Variants in MYO5B observed in about 807,000 individuals in gnomAD.
MYO5B encodes unconventional myosin-Vb.
In MYO5B, 143 loss-of-function variants were observed where a neutral mutation model predicts 229.3. The ratio of observed to expected loss-of-function variants is 0.62; its 90% CI spans 0.54 to 0.72. MYO5B has a LOEUF of 0.72. Among genes scored for constraint, MYO5B ranks in the 30% least tolerant of loss-of-function variants. The pLI is 0.00. For missense variants in MYO5B, 2,321 were observed against 2,331.0 expected (o/e 1.00, Z 0.09); for synonymous variants, 918 against 885.2 (o/e 1.04, Z -0.66).
At chr18:49,967,436 C>T (rs1568051586) in intron 10 of MYO5B, among the ~76,000 whole-genome samples, 1 of 152,194 alleles carries the variant, frequency 6.6e-6, no homozygotes, top group African/African-American at 2.4e-5. Flanking sequence ...TCCCCTGGCA[C>T]AGGTCAAAGG....
intron 29 of MYO5B, 67 bp from the exon 30 acceptor site, chr18:49,856,957 C>G (rs2024270247): frequency 1.5e-6 from 2 of 1,366,650 alleles, no homozygotes; most frequent in Non-Finnish European, 2.1e-6. Flanking sequence ...GCAGGGAGTC[C>G]TGGAAAGTGA....
chr18:50,062,655 T>A (rs1377419846), intron 1 of MYO5B, among the ~76,000 whole-genome samples: 1 of 152,188 alleles, frequency 6.6e-6, no homozygotes, highest in East Asian at 1.9e-4. Flanking sequence ...CTCACAATCA[T>A]TTCTACAGGT....
chr18:50,186,207 G>T (rs183179895), intron 1 of MYO5B, among the ~76,000 whole-genome samples: 9 of 152,316 alleles, frequency 5.9e-5, no homozygotes, highest in African/African-American at 2.2e-4. Flanking sequence ...CAGCCTCATC[G>T]CAAGTGCTCA....
chr18:50,036,324 A>G (rs2026448104), intron 4 of MYO5B, among the ~76,000 whole-genome samples: 1 of 152,232 alleles, frequency 6.6e-6, no homozygotes, highest in Non-Finnish European at 1.5e-5. Flanking sequence ...ATCTACTTAA[A>G]TGCCTAAACA....
chr18:50,000,498 C>T (rs1041661879), intron 5 of MYO5B, among the ~76,000 whole-genome samples: 7 of 152,232 alleles, frequency 4.6e-5, no homozygotes, highest in South Asian at 2.1e-4. Context: ...CCAGGGACTA[C>T]GAGGCCATTT....
chr18:49,846,661 G>A (rs2024131492), intron 33 of MYO5B, among the ~76,000 whole-genome samples: 1 of 152,172 alleles, frequency 6.6e-6, no homozygotes, highest in African/African-American at 2.4e-5. Context: ...ACCTGGGCAA[G>A]TTACTAGAGT....
intron 1 of MYO5B, among the ~76,000 whole-genome samples, chr18:50,136,842 C>CTAAATGGTA: frequency 1.3e-5 from 2 of 152,322 alleles, no homozygotes; most frequent in Middle Eastern, 3.4e-3. Flanking sequence ...ATCACAAAGG[C>CTAAATGGTA]ATTCAATAAA....
chr18:49,924,072 CA>C (rs965399141), intron 17 of MYO5B, among the ~76,000 whole-genome samples: 18 of 152,192 alleles, frequency 1.2e-4, no homozygotes, highest in African/African-American at 4.1e-4. Flanking sequence ...TCTGTTTTGA[CA>C]GACTTCTTTA....
At chr18:50,093,678 C>G (rs1218120687) in intron 1 of MYO5B, among the ~76,000 whole-genome samples, 1 of 151,958 alleles carries the variant, frequency 6.6e-6, no homozygotes, top group Non-Finnish European at 1.5e-5. Context: ...AAGAAGCCAG[C>G]CAAAACCCAC....
chr18:50,106,490 T>C (rs2031762707), intron 1 of MYO5B, among the ~76,000 whole-genome samples: 2 of 152,218 alleles, frequency 1.3e-5, no homozygotes, highest in South Asian at 4.1e-4. Flanking sequence ...GTTTAATCTC[T>C]TACCATTTTT....
intron 3 of MYO5B, among the ~76,000 whole-genome samples, chr18:50,038,163 G>A (rs529676328): frequency 6.6e-6 from 1 of 152,196 alleles, no homozygotes; most frequent in South Asian, 2.1e-4. Flanking sequence ...GACAAACAGA[G>A]ATATGCCTTT....
chr18:50,154,951 G>A (rs1208443542), intron 1 of MYO5B, among the ~76,000 whole-genome samples: 3 of 152,276 alleles, frequency 2.0e-5, no homozygotes, highest in South Asian at 4.1e-4. Flanking sequence ...TGCCTTCAAG[G>A]TATTTTTCAT....
intron 4 of MYO5B, among the ~76,000 whole-genome samples, chr18:50,028,195 A>G (rs1467954537): frequency 6.6e-6 from 1 of 152,234 alleles, no homozygotes; most frequent in African/African-American, 2.4e-5. Context: ...AGTTATTTAC[A>G]TCCCATTAAA....
chr18:50,072,455 G>C (rs1452340973), intron 1 of MYO5B, among the ~76,000 whole-genome samples: 1 of 152,122 alleles, frequency 6.6e-6, no homozygotes, highest in African/African-American at 2.4e-5. Flanking sequence ...TTAGAAATGA[G>C]GGTTGGTGGT....
chr18:50,102,036 G>A (rs149462148), intron 1 of MYO5B, among the ~76,000 whole-genome samples: 116 of 152,298 alleles, frequency 7.6e-4, no homozygotes, highest in South Asian at 4.8e-3. Context: ...TATACACCAC[G>A]GAATACTATG....
At chr18:49,846,903 A>C (rs1390124126) in intron 33 of MYO5B, among the ~76,000 whole-genome samples, 1 of 151,878 alleles carries the variant, frequency 6.6e-6, no homozygotes, top group East Asian at 1.9e-4. Context: ...TCGTATGGGC[A>C]GAACAAAGAA....
intron 1 of MYO5B, among the ~76,000 whole-genome samples, chr18:50,111,354 C>G: frequency 6.6e-6 from 1 of 152,224 alleles, no homozygotes; most frequent in South Asian, 2.1e-4. Flanking sequence ...CTGCAAAGGG[C>G]ACTGAATAGT....
chr18:49,868,300 T>C (rs2024419928), intron 27 of MYO5B, among the ~76,000 whole-genome samples: 1 of 152,046 alleles, frequency 6.6e-6, no homozygotes, highest in East Asian at 1.9e-4. Context: ...AAAATGTCTA[T>C]AAAAAGGACA....
At chr18:49,984,589 C>T in intron 8 of MYO5B, 129 bp downstream of exon 8, 1 of 754,360 alleles carries the variant, frequency 1.3e-6, no homozygotes, top group Non-Finnish European at 2.4e-6. Flanking sequence ...TGACATTCAC[C>T]AGGGGCAAGA....
Sources: gnomAD v4.1 joint callset for allele counts (sites outside exome capture counted in the v4.1 genomes callset) on GRCh38, gnomAD v4.1.1 for gene constraint, MANE v1.5 for transcripts, NCBI Gene and HGNC (gene_info 2026-07-23, HGNC 2026-07-21) for gene names.